Variants in CNTN5 observed in about 807,000 individuals in gnomAD.
CNTN5 encodes contactin 5.
Under a neutral mutation model 129.1 loss-of-function variants are expected in CNTN5, and 77 were observed. The observed-to-expected ratio is 0.60, with a 90% CI of 0.50 to 0.72. CNTN5 has a LOEUF of 0.72. Ranked by LOEUF, CNTN5 falls within the 30% of genes least tolerant of loss-of-function variation. The probability of loss-of-function intolerance (pLI) is 0.00; values close to 1 mark genes in which losing one functional copy is unlikely to be tolerated. For missense variants in CNTN5, 1,478 were observed against 1,328.8 expected (o/e 1.11, Z -1.75); for synonymous variants, 509 against 465.6 (o/e 1.09, Z -1.20).
chr11:99,090,436 A>G (rs934923077), intron 1 of CNTN5, among the ~76,000 whole-genome samples: 11 of 152,324 alleles, frequency 7.2e-5, no homozygotes, highest in African/African-American at 2.4e-4. Context: ...TGTAAGTGAC[A>G]TAATAACTTA....
intron 10 of CNTN5, among the ~76,000 whole-genome samples, chr11:100,068,114 G>C (rs774605193): frequency 6.6e-6 from 1 of 152,078 alleles, no homozygotes; most frequent in African/African-American, 2.4e-5. Context: ...AGATCAATAA[G>C]TCTAACAAAT....
chr11:100,027,215 C>A (rs1271575886), intron 9 of CNTN5, among the ~76,000 whole-genome samples: 1 of 152,034 alleles, frequency 6.6e-6, no homozygotes, highest in African/African-American at 2.4e-5. Flanking sequence ...TCTTTGCATA[C>A]CTGAAAATTT....
intron 1 of CNTN5, among the ~76,000 whole-genome samples, chr11:99,039,960 G>A (rs185331979): frequency 1.3e-5 from 2 of 152,108 alleles, no homozygotes. Flanking sequence ...AATTTGTTCA[G>A]TAATTTTAGG....
Position 100,187,045 on chromosome 11 carries a change from T to C in CNTN5, c.1581-4081T>C, listed in dbSNP as rs932726236. 3.9e-5 allele frequency among the ~76,000 whole-genome samples: 6 copies of C among 152,260 alleles called. No homozygotes were observed. The East Asian group carries it at 1.2e-3, about 29-fold the overall frequency. On this transcript the variant is annotated intron_variant, in intron 13 of 24. Transcript: ENST00000524871. ...AAAACATTGTGGAATTTTTTTTCCA[T>C]TTGTGTGTGTCTTCTATTACCTCTT...
rs1352024230 is a variant in CNTN5, at chr11:99,431,219, G to T, written c.-71+105735G>T. Among the ~76,000 whole-genome samples the T allele has an allele frequency of 3.3e-5, 5 of 152,032 alleles. No homozygotes were observed. The East Asian group carries it at 9.7e-4, about 29-fold the overall frequency. On this transcript the variant is annotated intron_variant, in intron 2 of 24. Transcript: ENST00000524871. Reference sequence around the variant, plus strand: ...AAGGAGAAATTAAGACCAGCTTGTTGTCAGTCTTTACTTTTAGTCATTAAG... The same window carrying T: ...AAGGAGAAATTAAGACCAGCTTGTTTTCAGTCTTTACTTTTAGTCATTAAG...
intron 3 of CNTN5, among the ~76,000 whole-genome samples, chr11:99,758,043 G>A (rs1441028356): frequency 2.6e-5 from 4 of 151,930 alleles, no homozygotes; most frequent in African/African-American, 9.7e-5. Flanking sequence ...CAAACGTTTG[G>A]ACAATTTAGT....
rs959913868 is a variant in CNTN5, at chr11:99,228,674, A to G, written c.-209-96672A>G. 9.2e-5 allele frequency among the ~76,000 whole-genome samples: 14 copies of G among 152,040 alleles called. 1 individual carries two copies. The highest frequency in any genetic ancestry group is 6.6e-4 in the Admixed American group (10 of 15,256). On this transcript the variant is annotated intron_variant, in intron 1 of 24. Transcript: ENST00000524871. ...ACAATACAGTCTTTACTAATTTTAA[A>G]TATTATTCTTTTTTTATATTTCTTT... is the stretch of plus-strand genomic sequence containing the variant.
At chr11:99,703,788 T>C (rs867437234) in intron 3 of CNTN5, among the ~76,000 whole-genome samples, 1 of 151,012 alleles carries the variant, frequency 6.6e-6, no homozygotes, top group African/African-American at 2.4e-5. Flanking sequence ...AACACAGATA[T>C]ATAGCATTTG....
At chr11:99,311,198 A>G (rs1451380258) in intron 1 of CNTN5, among the ~76,000 whole-genome samples, 1 of 152,190 alleles carries the variant, frequency 6.6e-6, no homozygotes, top group African/African-American at 2.4e-5. Context: ...AAGTGCTGAG[A>G]TTACAGGCAT....
intron 20 of CNTN5, among the ~76,000 whole-genome samples, chr11:100,300,733 T>A (rs757742568): frequency 6.6e-6 from 1 of 151,548 alleles, no homozygotes; most frequent in South Asian, 2.1e-4. Context: ...AGCATAAGAA[T>A]AACCAGGGAA....
At chr11:100,306,297 T>A (rs1429360674) in intron 20 of CNTN5, among the ~76,000 whole-genome samples, 2 of 151,678 alleles carry the variant, frequency 1.3e-5, no homozygotes, top group Non-Finnish European at 3.0e-5. Context: ...AAACTTTCTA[T>A]TTGAGAAATA....
intron 13 of CNTN5, among the ~76,000 whole-genome samples, chr11:100,102,570 T>TA (rs1945264352): frequency 7.6e-6 from 1 of 132,340 alleles, no homozygotes; most frequent in African/African-American, 3.1e-5. Flanking sequence ...GTTTTAAGAA[T>TA]AAAAAAGGTA....
At chr11:99,797,762 A>G (rs1289678477) in intron 3 of CNTN5, among the ~76,000 whole-genome samples, 1 of 152,084 alleles carries the variant, frequency 6.6e-6, no homozygotes, top group Non-Finnish European at 1.5e-5. Context: ...GCTGTGAAGA[A>G]TCGCTTTAGT....
intron 6 of CNTN5, among the ~76,000 whole-genome samples, chr11:99,886,640 T>C (rs542069655): frequency 3.9e-5 from 6 of 152,278 alleles, no homozygotes; most frequent in African/African-American, 1.4e-4. Context: ...GCAGGATCGG[T>C]TGTCTTAACA....
chr11:99,281,275 A>G (rs575967737), intron 1 of CNTN5, among the ~76,000 whole-genome samples: 3 of 152,090 alleles, frequency 2.0e-5, no homozygotes, highest in African/African-American at 7.2e-5. Flanking sequence ...TTTCAGATTC[A>G]GAAAGCAGAA....
intron 4 of CNTN5, among the ~76,000 whole-genome samples, chr11:99,830,768 T>C (rs1947114344): frequency 6.6e-6 from 1 of 152,184 alleles, no homozygotes; most frequent in Non-Finnish European, 1.5e-5. Context: ...CATTTATTAT[T>C]TTATACTTAA....
At chr11:100,144,647 C>A (rs1946793722) in intron 13 of CNTN5, among the ~76,000 whole-genome samples, 1 of 152,038 alleles carries the variant, frequency 6.6e-6, no homozygotes, top group African/African-American at 2.4e-5. Context: ...TGTTGCCAAC[C>A]TAGATGTCAT....
intron 7 of CNTN5, among the ~76,000 whole-genome samples, chr11:99,918,905 G>T (rs780516596): frequency 1.3e-4 from 19 of 151,896 alleles, no homozygotes; most frequent in Non-Finnish European, 2.2e-4. Flanking sequence ...CCCTCCCATC[G>T]CAACAGCTTT....
At chr11:99,625,764 T>C (rs1406635647) in intron 3 of CNTN5, among the ~76,000 whole-genome samples, 1 of 101,442 alleles carries the variant, frequency 9.9e-6, no homozygotes, top group East Asian at 2.6e-4. Flanking sequence ...CTTTATCATA[T>C]TCAATTAAAA....
Sources: gnomAD v4.1 joint callset for allele counts (sites outside exome capture counted in the v4.1 genomes callset) on GRCh38, gnomAD v4.1.1 for gene constraint, MANE v1.5 for transcripts, NCBI Gene and HGNC (gene_info 2026-07-23, HGNC 2026-07-21) for gene names.